The following DLG2 variants were observed in gnomAD, a reference collection of about 807,000 sequenced individuals.
The protein encoded by DLG2 is discs large MAGUK scaffold protein 2, also known as disks large homolog 2.
In DLG2, 45 loss-of-function variants were observed where a neutral mutation model predicts 132.5. The ratio of observed to expected loss-of-function variants is 0.34; its 90% CI spans 0.27 to 0.44. DLG2 has a LOEUF of 0.44. Among genes scored for constraint, DLG2 ranks in the 20% least tolerant of loss-of-function variants. DLG2 has a pLI of 1.00. For synonymous variants in DLG2, 424 were observed against 419.6 expected, an observed-to-expected ratio of 1.01 and a Z score of -0.13; for missense variants, 1,045 against 1,196.9, an observed-to-expected ratio of 0.87 and a Z score of 1.87.
intron 11 of DLG2, among the ~76,000 whole-genome samples, chr11:84,040,136 G>A (rs2096019886): frequency 6.6e-6 from 1 of 150,786 alleles, no homozygotes; most frequent in Non-Finnish European, 1.5e-5. Flanking sequence ...TGTCAGATGA[G>A]TAGGTTGTGA....
At chr11:83,696,289 C>G (rs2081931398) in intron 18 of DLG2, among the ~76,000 whole-genome samples, 1 of 152,166 alleles carries the variant, frequency 6.6e-6, no homozygotes, top group African/African-American at 2.4e-5. Context: ...AATCTAGATT[C>G]TAATCCTAGC....
At chr11:84,702,911 C>A (rs749153808) in intron 6 of DLG2, among the ~76,000 whole-genome samples, 17 of 151,656 alleles carry the variant, frequency 1.1e-4, no homozygotes, top group African/African-American at 3.6e-4. Flanking sequence ...TGTTAAAAAG[C>A]TAATGAATTA....
Position 84,150,294 on chromosome 11 carries a change from T to C in DLG2, c.624+13167A>G, listed in dbSNP as rs368914425. 1.6e-4 allele frequency among the ~76,000 whole-genome samples: 25 copies of C among 152,328 alleles called. No homozygotes were observed. In the East Asian group the frequency reaches 3.1e-3, roughly 19 times the overall value. Reference sequence around the variant, plus strand: ...TCTCCTTTTTGGTTAGATGGATTCCTAGGTTTTTAAATCTTTTTGTGGCTA... The same window carrying C: ...TCTCCTTTTTGGTTAGATGGATTCCCAGGTTTTTAAATCTTTTTGTGGCTA... On this transcript the variant is annotated intron_variant, in intron 9 of 27. Transcript: ENST00000376104.
chr11:84,824,659 C>A (rs1318745680), intron 6 of DLG2, among the ~76,000 whole-genome samples: 1 of 151,866 alleles, frequency 6.6e-6, no homozygotes, highest in East Asian at 1.9e-4. Flanking sequence ...TATGGAAAAA[C>A]TGAGGCTCAG....
chr11:85,386,335 G>A (rs567682263), intron 3 of DLG2, among the ~76,000 whole-genome samples: 1 of 152,202 alleles, frequency 6.6e-6, no homozygotes, highest in South Asian at 2.1e-4. Context: ...CTGATGTTTG[G>A]TAAGATAAAA....
chr11:85,430,059 G>A (rs1272627149), intron 3 of DLG2, among the ~76,000 whole-genome samples: 1 of 152,114 alleles, frequency 6.6e-6, no homozygotes, highest in Non-Finnish European at 1.5e-5. Flanking sequence ...TCCTTTGTAA[G>A]GACATGGATG....
chr11:84,250,534 A>G (rs1434637001), intron 8 of DLG2, among the ~76,000 whole-genome samples: 1 of 152,076 alleles, frequency 6.6e-6, no homozygotes, highest in Non-Finnish European at 1.5e-5. Flanking sequence ...TTGTTTGATC[A>G]CTATCCTCCA....
intron 18 of DLG2, among the ~76,000 whole-genome samples, chr11:83,721,261 T>C (rs1306319684): frequency 6.6e-6 from 1 of 152,198 alleles, no homozygotes; most frequent in Non-Finnish European, 1.5e-5. Flanking sequence ...AGACCCTTAC[T>C]ATTGAGTAAC....
chr11:83,876,465 A>G (rs1358364976), intron 15 of DLG2, among the ~76,000 whole-genome samples: 2 of 152,240 alleles, frequency 1.3e-5, no homozygotes, highest in Non-Finnish European at 2.9e-5. Flanking sequence ...ATTTACAAGC[A>G]TATAAAATAA....
intron 3 of DLG2, among the ~76,000 whole-genome samples, chr11:85,525,828 T>C (rs1483995084): frequency 6.6e-6 from 1 of 152,082 alleles, no homozygotes; most frequent in Non-Finnish European, 1.5e-5. Context: ...TCTGCAGAGA[T>C]CAAGGCAGTG....
chr11:83,754,408 T>G (rs139101754), intron 18 of DLG2, among the ~76,000 whole-genome samples: 1 of 151,404 alleles, frequency 6.6e-6, no homozygotes, highest in African/African-American at 2.5e-5. Flanking sequence ...CTGTCTTGCC[T>G]AATTGTCTTT....
intron 8 of DLG2, among the ~76,000 whole-genome samples, chr11:84,188,393 A>G (rs754974247): frequency 1.1e-4 from 16 of 152,134 alleles, no homozygotes; most frequent in African/African-American, 2.7e-4. Flanking sequence ...CACATATATT[A>G]TCTTACTATG....
chr11:85,173,812 G>T (rs1483079270), intron 4 of DLG2, among the ~76,000 whole-genome samples: 1 of 151,838 alleles, frequency 6.6e-6, no homozygotes, highest in East Asian at 1.9e-4. Context: ...GAAAAAAGGG[G>T]GTTGCAATCC....
intron 3 of DLG2, among the ~76,000 whole-genome samples, chr11:85,341,409 C>T (rs973536888): frequency 1.2e-4 from 18 of 152,172 alleles, no homozygotes; most frequent in Admixed American, 1.0e-3. Flanking sequence ...CATGAGCCAC[C>T]GTGCCTAGCT....
At chr11:85,293,293 T>A (rs1466066440) in intron 3 of DLG2, among the ~76,000 whole-genome samples, 3 of 152,170 alleles carry the variant, frequency 2.0e-5, no homozygotes, top group Non-Finnish European at 4.4e-5. Flanking sequence ...CCAGGCATGG[T>A]GGCTTACGCC....
chr11:85,114,052 G>C (rs1175170217), intron 5 of DLG2, among the ~76,000 whole-genome samples: 2 of 151,890 alleles, frequency 1.3e-5, no homozygotes, highest in East Asian at 3.9e-4. Context: ...CTCATGTTTT[G>C]TCTACCACTT....
intron 8 of DLG2, among the ~76,000 whole-genome samples, chr11:84,226,031 A>T (rs558691818): frequency 7.6e-4 from 116 of 152,254 alleles, no homozygotes; most frequent in Non-Finnish European, 1.4e-3. Flanking sequence ...GGCTGGTGTC[A>T]AACTCCTGAC....
chr11:84,796,826 AT>A, intron 6 of DLG2, among the ~76,000 whole-genome samples: 1 of 147,784 alleles, frequency 6.8e-6, no homozygotes. Flanking sequence ...ATGATTTTTT[AT>A]TTTTTATTAT....
intron 7 of DLG2, among the ~76,000 whole-genome samples, chr11:84,384,522 A>G (rs2098761092): frequency 6.6e-6 from 1 of 152,096 alleles, no homozygotes; most frequent in Non-Finnish European, 1.5e-5. Flanking sequence ...GAATGATAAT[A>G]AAAGGAATTC....
Sources: allele counts gnomAD v4.1 joint callset (sites outside exome capture counted in the v4.1 genomes callset), GRCh38; gene constraint gnomAD v4.1.1; transcripts MANE v1.5; gene names NCBI Gene and HGNC (gene_info 2026-07-23, HGNC 2026-07-21).